The following CHD7 variants were observed in gnomAD, a reference collection of about 807,000 sequenced individuals.
CHD7 encodes ATP-dependent chromatin remodeler CHD7.
Under a neutral mutation model 307.3 loss-of-function variants are expected in CHD7, and 24 were observed. The observed-to-expected ratio is 0.08, with a 90% confidence interval of 0.06 to 0.11. The LOEUF (loss-of-function observed/expected upper bound fraction) is 0.11, where lower values mean the gene tolerates loss of function less well. Among genes scored for constraint, CHD7 ranks in the 10% least tolerant of loss-of-function variants. The probability of loss-of-function intolerance (pLI) is 1.00; values close to 1 mark genes in which losing one functional copy is unlikely to be tolerated. For missense variants in CHD7, 3,106 were observed against 3,727.1 expected, an observed-to-expected ratio of 0.83 and a Z score of 4.34; for synonymous variants, 1,363 against 1,349.9, an observed-to-expected ratio of 1.01 and a Z score of -0.21.
At chr8:60,687,182 A>G (rs939545872) in intron 1 of CHD7, among the ~76,000 whole-genome samples, 1 of 152,260 alleles carries the variant, frequency 6.6e-6, no homozygotes, top group African/African-American at 2.4e-5. Flanking sequence ...TCTTTAACAT[A>G]ATACTAAGCA....
intron 2 of CHD7, among the ~76,000 whole-genome samples, chr8:60,759,986 G>T (rs1810098375): frequency 1.3e-5 from 2 of 152,264 alleles, no homozygotes; most frequent in Middle Eastern, 6.8e-3. Flanking sequence ...GCTCAGCTGT[G>T]GCTCCCACTG....
intron 1 of CHD7, among the ~76,000 whole-genome samples, chr8:60,680,655 C>T (rs933750738): frequency 1.3e-5 from 2 of 152,268 alleles, no homozygotes; most frequent in South Asian, 2.1e-4. Context: ...GACTCTTTTC[C>T]TGGAGGTCAC....
chr8:60,753,556 G>C (rs543872692), intron 2 of CHD7, among the ~76,000 whole-genome samples: 2 of 152,240 alleles, frequency 1.3e-5, no homozygotes, highest in African/African-American at 2.4e-5. Context: ...ACAACAGTAA[G>C]AGACTAGCCA....
At chr8:60,695,677 C>CA (rs1360843194) in intron 1 of CHD7, among the ~76,000 whole-genome samples, 1 of 152,162 alleles carries the variant, frequency 6.6e-6, no homozygotes, top group African/African-American at 2.4e-5. Flanking sequence ...GAAAGAAAAG[C>CA]AGTCAAGGAT....
intron 7 of CHD7, among the ~76,000 whole-genome samples, chr8:60,813,870 C>T (rs938415389): frequency 6.6e-6 from 1 of 151,406 alleles, no homozygotes. Flanking sequence ...CTACTTTGCA[C>T]TGATATGGGT....
chr8:60,817,304 C>G (rs1563626031), intron 8 of CHD7, among the ~76,000 whole-genome samples: 1 of 152,148 alleles, frequency 6.6e-6, no homozygotes, highest in Non-Finnish European at 1.5e-5. Context: ...GTAAAAGAAG[C>G]GTACAATTTG....
At position 60,852,216 on chromosome 8, in the gene CHD7, A is replaced by G. The variant is rs1805484724; in HGVS notation, c.5863A>G (p.Arg1955Gly). Residue 1955 changes from arginine (R) to glycine (G), a missense_variant, in exon 29 of 38, where the codon AGG (arginine) becomes GGG (glycine). By Grantham distance (125) the Arg-to-Gly change is moderately radical. Coordinates refer to ENST00000423902, the MANE Select transcript of CHD7 (RefSeq NM_017780.4). ...GGAAGTGAGAGCTCTGGAAGCGGAA[A>G]GGGAAGCTATTATATCTGAGAAGCG... ...REEVRALEAE[R>G]EAIISEKRQK... 23 of 1,613,554 alleles carry G rather than the reference A, an allele frequency of 1.4e-5. No individual in the cohort carries two copies. Among genetic ancestry groups the G allele is most frequent in the Non-Finnish European group, 1.9e-5 (22 of 1,179,868 alleles).
chr8:60,847,852 G>T (rs982584474), intron 23 of CHD7, among the ~76,000 whole-genome samples: 5 of 151,808 alleles, frequency 3.3e-5, no homozygotes, highest in Admixed American at 3.3e-4. Flanking sequence ...TTTTTTTCAA[G>T]CTACTACAGC....
chr8:60,824,857 G>T (rs1804196280), intron 13 of CHD7: 1 of 152,076 alleles, frequency 6.6e-6, no homozygotes, highest in Non-Finnish European at 1.5e-5. Flanking sequence ...AGAAGGATTT[G>T]ATTTATTTTC....
chr8:60,730,732 C>T (rs953131652), intron 1 of CHD7, among the ~76,000 whole-genome samples: 1 of 151,662 alleles, frequency 6.6e-6, no homozygotes, highest in African/African-American at 2.4e-5. Flanking sequence ...TAGTGGCGGG[C>T]GCCTGTAATC....
intron 4 of CHD7, among the ~76,000 whole-genome samples, chr8:60,798,462 G>A (rs898334555): frequency 2.6e-5 from 4 of 152,110 alleles, no homozygotes; most frequent in African/African-American, 4.8e-5. Flanking sequence ...AGTTTGTATC[G>A]TGAACTGTCT....
At position 60,781,185 on chromosome 8, in the gene CHD7, A is replaced by C. The variant is rs201456469; in HGVS notation, c.1851A>C (p.Lys617Asn). 29 of 1,605,718 alleles carry C rather than the reference A, an allele frequency of 1.8e-5. No individual in the cohort carries two copies. The highest frequency in any genetic ancestry group is 2.5e-5 in the Non-Finnish European group (29 of 1,175,956). ...VAEDPSKGFG[K>N]DDFPGGVDNQ... Reference sequence around the variant, plus strand: ...AGGATCCCAGTAAAGGTTTTGGTAAAGATGACTTCCCTGGTGGGGTAGATA... The same window carrying C: ...AGGATCCCAGTAAAGGTTTTGGTAACGATGACTTCCCTGGTGGGGTAGATA... Residue 617 changes from lysine to asparagine, a missense_variant, in exon 3 of 38, where the codon AAA (lysine) becomes AAC (asparagine). Around this residue, in one of 10 missense-constraint regions of CHD7, gnomAD observed 998 missense variants for 1,004.5 expected, o/e 0.99. Coordinates refer to ENST00000423902, the MANE Select transcript of CHD7 (RefSeq NM_017780.4).
intron 1 of CHD7, among the ~76,000 whole-genome samples, chr8:60,715,561 C>T (rs934176120): frequency 2.6e-5 from 4 of 151,936 alleles, no homozygotes; most frequent in African/African-American, 9.7e-5. Flanking sequence ...TCAGGGGATC[C>T]GCCTGCCTTG....
At chr8:60,769,433 T>A (rs1375834761) in intron 2 of CHD7, among the ~76,000 whole-genome samples, 1 of 152,218 alleles carries the variant, frequency 6.6e-6, no homozygotes, top group Non-Finnish European at 1.5e-5. Flanking sequence ...TAAAAATAGA[T>A]ATCATTGATG....
At chr8:60,737,205 T>C (rs1219286431) in intron 1 of CHD7, among the ~76,000 whole-genome samples, 1 of 152,210 alleles carries the variant, frequency 6.6e-6, no homozygotes. Context: ...CAATTTGGTG[T>C]TGATATATGC....
chr8:60,714,613 C>T (rs1000037080), intron 1 of CHD7, among the ~76,000 whole-genome samples: 1 of 152,212 alleles, frequency 6.6e-6, no homozygotes, highest in Admixed American at 6.5e-5. Context: ...ACTTCGCGGC[C>T]TGGTTCCGCC....
In CHD7 at chr8:60,865,973, A is replaced by G; in HGVS notation, c.*40A>G. ...AGTTCAAGTGTTTAAAACTTTTGAC[A>G]AGTGGTAGTCCTACTGTTTACACTC... On this transcript the variant is annotated 3_prime_UTR_variant, in exon 38 of 38. Coordinates refer to ENST00000423902, the MANE Select transcript of CHD7 (RefSeq NM_017780.4). This position sits in a 1 kb window ranked among gnomAD's most constrained non-coding sequence, Gnocchi z 4.3. The G allele has an allele frequency of 1.3e-6, 2 of 1,506,312 alleles. No individual in the cohort carries two copies. Among genetic ancestry groups the G allele is most frequent in the East Asian group, 2.4e-5 (1 of 41,678 alleles). The allele number at this position is 1,506,312 out of a possible 1,614,324, so 93.3% of individuals were successfully genotyped here. A position where few individuals can be genotyped will look rare whatever the true frequency, so the allele number is the denominator to read the frequency against.
intron 6 of CHD7, among the ~76,000 whole-genome samples, chr8:60,806,893 T>C (rs942964031): frequency 3.3e-5 from 5 of 152,052 alleles, no homozygotes; most frequent in Non-Finnish European, 7.4e-5. Context: ...TCCCAGCTAC[T>C]TGGGGAGGTG....
At chr8:60,848,235 C>T (rs1362546847) in intron 23 of CHD7, among the ~76,000 whole-genome samples, 1 of 152,230 alleles carries the variant, frequency 6.6e-6, no homozygotes, top group Non-Finnish European at 1.5e-5. Flanking sequence ...ACTTCACAAG[C>T]TGCACTAGGT....
Sources: gnomAD v4.1 joint callset for allele counts (sites outside exome capture counted in the v4.1 genomes callset) on GRCh38, gnomAD v4.1.1 for gene constraint, gnomAD v4.1.1 regional missense constraint, Gnocchi (gnomAD v3.1) non-coding constraint, MANE v1.5 for transcripts, NCBI Gene and HGNC (gene_info 2026-07-23, HGNC 2026-07-21) for gene names.